The following PLCB4 variants were observed in gnomAD, a reference collection of about 807,000 sequenced individuals.
PLCB4 encodes 1-phosphatidylinositol 4,5-bisphosphate phosphodiesterase beta-4.
Under a neutral mutation model 178.8 loss-of-function variants are expected in PLCB4, and 77 were observed. The ratio of observed to expected loss-of-function variants is 0.43; its 90% confidence interval spans 0.36 to 0.52. PLCB4 has a LOEUF of 0.52. Among genes scored for constraint, PLCB4 ranks in the 20% least tolerant of loss-of-function variants. The pLI is 0.00. For missense variants in PLCB4, 1,024 were observed against 1,453.4 expected (o/e 0.70, Z 4.80); for synonymous variants, 496 against 490.8 (o/e 1.01, Z -0.14).
At chr20:9,350,222 A>G (rs118043043) in intron 7 of PLCB4, among the ~76,000 whole-genome samples, 5,074 of 152,274 alleles carry the variant, frequency 0.033, 127 homozygotes, top group Non-Finnish European at 0.054. Context: ...AATATTTATT[A>G]TCTGGCTCTT....
intron 7 of PLCB4, among the ~76,000 whole-genome samples, chr20:9,353,250 G>A (rs1465286691): frequency 6.6e-6 from 1 of 152,154 alleles, no homozygotes; most frequent in Admixed American, 6.5e-5. Flanking sequence ...GACTTGTGTA[G>A]GATGGCAGCT....
At chr20:9,168,332 A>G (rs946047309) in intron 2 of PLCB4, among the ~76,000 whole-genome samples, 34 of 152,140 alleles carry the variant, frequency 2.2e-4, no homozygotes, top group Admixed American at 2.2e-3. Context: ...AAGGTGTGCA[A>G]GGCTTAATGT....
At chr20:9,085,122 C>G (rs944295459) in intron 1 of PLCB4, among the ~76,000 whole-genome samples, 2 of 150,770 alleles carry the variant, frequency 1.3e-5, no homozygotes, top group Non-Finnish European at 3.0e-5. Context: ...GCTTTTTAAA[C>G]AGTATGGTGC....
intron 33 of PLCB4, 88 bp downstream of exon 33, chr20:9,453,550 G>A (rs1372603026): frequency 1.4e-6 from 1 of 694,126 alleles, no homozygotes; most frequent in Non-Finnish European, 2.4e-6. Flanking sequence ...GGTCAAGGAA[G>A]AACTTAGTGT....
intron 2 of PLCB4, among the ~76,000 whole-genome samples, chr20:9,100,723 C>T (rs1164928503): frequency 6.6e-6 from 1 of 152,026 alleles, no homozygotes; most frequent in African/African-American, 2.4e-5. Context: ...TTTTCTGATT[C>T]CTACTTGGCT....
chr20:9,151,389 A>G (rs11697318), intron 2 of PLCB4, among the ~76,000 whole-genome samples: 21,206 of 152,140 alleles, frequency 0.14, 1,591 homozygotes, highest in Middle Eastern at 0.18. Flanking sequence ...CCAAATCTCA[A>G]CTAAATTTTA....
chr20:9,135,381 A>G (rs191590911), intron 2 of PLCB4, among the ~76,000 whole-genome samples: 37 of 152,218 alleles, frequency 2.4e-4, no homozygotes, highest in Middle Eastern at 3.4e-3. Flanking sequence ...TCGGTTGATC[A>G]TTTTTTATGG....
At position 9,372,455 on chromosome 20, in the gene PLCB4, C is replaced by T. The variant is rs1254556850; in HGVS notation, c.686+52C>T. ...ATATAAATATTATCACTGTCCTTTT[C>T]GATTTTTTAAAACGTTTTTGTCCTA... On this transcript the variant is annotated intron_variant, in intron 11 of 39. Transcript: ENST00000378473. The T allele has an allele frequency of 1.3e-5, 12 of 899,314 alleles. No individual in the cohort carries two copies. The East Asian group carries it at 1.5e-4, about 11-fold the overall frequency. 55.7% of individuals were successfully genotyped at this position (899,314 alleles called of 1,614,324 possible). A position where few individuals can be genotyped will look rare whatever the true frequency, so the allele number is the denominator to read the frequency against.
chr20:9,433,451 G>A (rs771151484), intron 28 of PLCB4, among the ~76,000 whole-genome samples: 1 of 152,180 alleles, frequency 6.6e-6, no homozygotes, highest in Non-Finnish European at 1.5e-5. Flanking sequence ...CGCCAATTTT[G>A]TTGGATATAG....
chr20:9,121,760 T>C (rs552007799), intron 2 of PLCB4, among the ~76,000 whole-genome samples: 2 of 152,326 alleles, frequency 1.3e-5, no homozygotes, highest in South Asian at 4.1e-4. Flanking sequence ...GACATCAGTT[T>C]CAGAAATGCA....
At chr20:9,201,908 T>C (rs2093551915) in intron 2 of PLCB4, among the ~76,000 whole-genome samples, 2 of 152,208 alleles carry the variant, frequency 1.3e-5, no homozygotes, top group Non-Finnish European at 2.9e-5. Flanking sequence ...TGGAAACTTA[T>C]GCATAAACCA....
At chr20:9,104,014 G>A (rs965908638) in intron 2 of PLCB4, among the ~76,000 whole-genome samples, 10 of 152,020 alleles carry the variant, frequency 6.6e-5, no homozygotes, top group South Asian at 6.2e-4. Flanking sequence ...ACAAACCACC[G>A]TGAAACTAAG....
chr20:9,326,259 T>C (rs2147994064), intron 4 of PLCB4, among the ~76,000 whole-genome samples: 1 of 152,314 alleles, frequency 6.6e-6, no homozygotes, highest in African/African-American at 2.4e-5. Flanking sequence ...TGGTGTACCT[T>C]CCTTTGTTTC....
At chr20:9,079,556 C>T (rs984319903) in intron 1 of PLCB4, among the ~76,000 whole-genome samples, 2 of 152,076 alleles carry the variant, frequency 1.3e-5, no homozygotes, top group African/African-American at 4.8e-5. Context: ...AGCCAGAGGG[C>T]AGGAGAGAGG....
At chr20:9,094,324 G>A (rs1434139787) in intron 1 of PLCB4, among the ~76,000 whole-genome samples, 2 of 152,068 alleles carry the variant, frequency 1.3e-5, no homozygotes, top group Non-Finnish European at 2.9e-5. Context: ...AATATTCAAA[G>A]CCATTTTTAT....
At chr20:9,126,490 C>T (rs527836614) in intron 2 of PLCB4, among the ~76,000 whole-genome samples, 17 of 152,230 alleles carry the variant, frequency 1.1e-4, no homozygotes, top group African/African-American at 3.4e-4. Context: ...AAAAGTAGAT[C>T]GTATACTTCA....
chr20:9,120,452 C>T (rs1568787351), intron 2 of PLCB4, among the ~76,000 whole-genome samples: 1 of 90,526 alleles, frequency 1.1e-5, no homozygotes, highest in Non-Finnish European at 3.0e-5. Flanking sequence ...CTAAACCTCT[C>T]TCTTCTTCCT....
At chr20:9,279,895 T>C (rs1008530299) in intron 3 of PLCB4, among the ~76,000 whole-genome samples, 2 of 152,060 alleles carry the variant, frequency 1.3e-5, no homozygotes, top group Non-Finnish European at 1.5e-5. Context: ...TATGAAAATC[T>C]CTTTGGAATC....
chr20:9,197,837 T>G (rs2093491226), intron 2 of PLCB4, among the ~76,000 whole-genome samples: 1 of 152,178 alleles, frequency 6.6e-6, no homozygotes, highest in African/African-American at 2.4e-5. Context: ...TAGCTGGGCA[T>G]GGTGGTGGGC....
Sources: gnomAD v4.1 joint callset for allele counts (sites outside exome capture counted in the v4.1 genomes callset) on GRCh38, gnomAD v4.1.1 for gene constraint, MANE v1.5 for transcripts, NCBI Gene and HGNC (gene_info 2026-07-23, HGNC 2026-07-21) for gene names.